The following THOC2 variants were observed in gnomAD, a reference collection of about 807,000 sequenced individuals.
The protein encoded by THOC2 is THO complex 2.
Under a neutral mutation model 128.4 loss-of-function variants are expected in THOC2, and 10 were observed. The observed-to-expected ratio is 0.08, with a 90% CI of 0.05 to 0.13. The LOEUF (loss-of-function observed/expected upper bound fraction) is 0.13, where lower values mean the gene tolerates loss of function less well. Ranked by LOEUF, THOC2 falls within the 10% of genes least tolerant of loss-of-function variation. The probability of loss-of-function intolerance (pLI) is 1.00; values close to 1 mark genes in which losing one functional copy is unlikely to be tolerated. For synonymous variants in THOC2, 393 were observed against 396.9 expected (o/e 0.99, Z 0.12); for missense variants, 535 against 1,155.7 (o/e 0.46, Z 7.79).
chrX:123,656,825 C>A (rs996726265), intron 12 of THOC2, among the ~76,000 whole-genome samples: 10 of 111,114 alleles, frequency 9.0e-5, no homozygotes, highest in African/African-American at 2.6e-4. Flanking sequence ...GCCTGGCCAA[C>A]AAGGTGAAAC....
At chrX:123,668,993 T>C (rs913718643) in intron 9 of THOC2, among the ~76,000 whole-genome samples, 2 of 111,668 alleles carry the variant, frequency 1.8e-5, no homozygotes, top group Non-Finnish European at 3.8e-5. Flanking sequence ...AAGAAAACTT[T>C]AGGCAACAAA....
intron 38 of THOC2, among the ~76,000 whole-genome samples, chrX:123,604,369 TTG>T (rs936669149): frequency 3.6e-5 from 4 of 110,291 alleles, no homozygotes; most frequent in African/African-American, 1.3e-4. Flanking sequence ...CCTGAGTTGT[TTG>T]TTTTTTTTTT....
At chrX:123,614,829 T>C (rs1394824260) in intron 33 of THOC2, among the ~76,000 whole-genome samples, 2 of 111,411 alleles carry the variant, frequency 1.8e-5, no homozygotes, top group East Asian at 5.6e-4. Context: ...TGGTTCTAAA[T>C]ACCTCAGAAA....
intron 1 of THOC2, among the ~76,000 whole-genome samples, chrX:123,729,817 T>C (rs887844002): frequency 8.9e-6 from 1 of 112,122 alleles, no homozygotes; most frequent in African/African-American, 3.2e-5. Context: ...AGGTTTTTTG[T>C]AATATATTTG....
chrX:123,658,217 G>C (rs976800856), intron 12 of THOC2, among the ~76,000 whole-genome samples: 1 of 110,854 alleles, frequency 9.0e-6, no homozygotes, highest in Non-Finnish European at 1.9e-5. Flanking sequence ...AAGAGTGGAA[G>C]ACAAAAACAA....
At chrX:123,627,598 T>C in intron 23 of THOC2, 95 bp downstream of exon 23, 2 of 887,995 alleles carry the variant, frequency 2.3e-6, no homozygotes, top group Non-Finnish European at 3.2e-6. Flanking sequence ...ACAAGATCAC[T>C]GTTTTAAGGA....
At chrX:123,697,083 A>C (rs936992485) in intron 5 of THOC2, among the ~76,000 whole-genome samples, 36 of 112,356 alleles carry the variant, frequency 3.2e-4, no homozygotes, top group African/African-American at 1.1e-3. Flanking sequence ...TATACTGCCT[A>C]TAAATGACAA....
intron 17 of THOC2, 53 bp downstream of exon 17, chrX:123,638,881 C>T (rs369162552): frequency 9.5e-5 from 69 of 727,018 alleles, no homozygotes; most frequent in East Asian, 6.7e-4. Context: ...AAAACGTTTA[C>T]CATATGATCT....
chrX:123,627,095 T>C (rs1366409059), intron 23 of THOC2, among the ~76,000 whole-genome samples: 1 of 112,557 alleles, frequency 8.9e-6, no homozygotes, highest in Admixed American at 9.4e-5. Context: ...GTACCATTTT[T>C]TACATTACTA....
At chrX:123,681,208 T>A (rs2049764053) in intron 8 of THOC2, among the ~76,000 whole-genome samples, 1 of 111,736 alleles carries the variant, frequency 8.9e-6, no homozygotes, top group Non-Finnish European at 1.9e-5. Context: ...TAGGGCATGA[T>A]AAAATTAGTA....
chrX:123,732,065 A>G (rs776343871), intron 1 of THOC2, among the ~76,000 whole-genome samples: 4 of 110,180 alleles, frequency 3.6e-5, no homozygotes, highest in Non-Finnish European at 7.6e-5. Flanking sequence ...GAAGGGGAGG[A>G]GGGAGCGCTC....
At chrX:123,711,446 G>C (rs376546430) in intron 2 of THOC2, among the ~76,000 whole-genome samples, 3 of 110,102 alleles carry the variant, frequency 2.7e-5, no homozygotes, top group East Asian at 5.8e-4. Flanking sequence ...TATGAGACCA[G>C]CCTAGGCAAT....
At chrX:123,715,239 T>C (rs1370056076) in intron 1 of THOC2, among the ~76,000 whole-genome samples, 1 of 108,332 alleles carries the variant, frequency 9.2e-6, no homozygotes, top group Non-Finnish European at 1.9e-5. Context: ...GGTTTCACCA[T>C]GTTACCCAGG....
At chrX:123,712,742 T>C in intron 2 of THOC2, 108 bp downstream of exon 2, 1 of 477,978 alleles carries the variant, frequency 2.1e-6, no homozygotes, top group African/African-American at 2.4e-5. Context: ...AACCTTTATA[T>C]AATGTGAACT....
chrX:123,632,607 A>T (rs1196742064), intron 21 of THOC2, among the ~76,000 whole-genome samples: 1 of 110,993 alleles, frequency 9.0e-6, no homozygotes, highest in Non-Finnish European at 1.9e-5. Context: ...ATAAATGCAA[A>T]CAACTTGAAG....
At chrX:123,696,215 G>C in intron 6 of THOC2, 61 bp from the exon 7 acceptor site, 1 of 826,486 alleles carries the variant, frequency 1.2e-6, no homozygotes, top group Non-Finnish European at 1.7e-6. Context: ...AGCTTGCACA[G>C]AGTACTGTAT....
At position 123,640,597 on chromosome X, in the gene THOC2, G is replaced by T. The variant is rs1160069377; in HGVS notation, c.1687C>A (p.Pro563Thr). The T allele has an allele frequency of 8.4e-7, 1 of 1,187,578 alleles. No homozygotes were observed. Among genetic ancestry groups the T allele is most frequent in the East Asian group, 3.1e-5 (1 of 32,753 alleles). Residue 563 changes from proline (P) to threonine (T), a missense_variant, in exon 16 of 39, where the codon CCT (proline) becomes ACT (threonine). This residue lies in a region of THOC2 where 197 missense variants were observed against 313.4 expected (regional missense o/e 0.63). Transcript: ENST00000245838. ...AACTTCCCAATTTGTCTTCCAGAAGGCTTCACATTTTCCTTGGTTAGGCGC... is the reference window on the plus strand; with the variant it reads ...AACTTCCCAATTTGTCTTCCAGAAGTCTTCACATTTTCCTTGGTTAGGCGC... ...MKRLTKENVK[P>T]SGRQIGKLSH...
At chrX:123,654,003 C>A (rs1226475358) in intron 12 of THOC2, among the ~76,000 whole-genome samples, 1 of 111,489 alleles carries the variant, frequency 9.0e-6, no homozygotes, top group Non-Finnish European at 1.9e-5. Context: ...TTAGAACCCA[C>A]CCAAATGCCC....
At chrX:123,726,158 G>A (rs1320391162) in intron 1 of THOC2, among the ~76,000 whole-genome samples, 8 of 110,022 alleles carry the variant, frequency 7.3e-5, no homozygotes, top group Admixed American at 5.9e-4. Flanking sequence ...GTAGTGGGTC[G>A]AGATCGCACC....
Sources: gnomAD v4.1 joint callset for allele counts (sites outside exome capture counted in the v4.1 genomes callset) on GRCh38, gnomAD v4.1.1 for gene constraint, gnomAD v4.1.1 regional missense constraint, MANE v1.5 for transcripts, NCBI Gene and HGNC (gene_info 2026-07-23, HGNC 2026-07-21) for gene names.